Variants in LRRIQ1 observed in about 807,000 individuals in gnomAD.
LRRIQ1 encodes the protein leucine rich repeats and IQ motif containing 1.
LRRIQ1 carries 210 observed loss-of-function variants against 211.9 expected under a neutral mutation model. That is an observed-to-expected ratio of 0.99 (90% confidence interval 0.89 to 1.11). The LOEUF (loss-of-function observed/expected upper bound fraction) is 1.11, where lower values mean the gene tolerates loss of function less well. LRRIQ1 is among the 50% of genes most tolerant of loss of function. The pLI, the probability that LRRIQ1 is intolerant of heterozygous loss-of-function variation, is 0.00. For missense variants in LRRIQ1, 2,136 were observed against 1,939.5 expected (o/e 1.10, Z -1.90); for synonymous variants, 699 against 650.1 (o/e 1.08, Z -1.14).
exon 2 of LRRIQ1, chr12:85,263,235 G>A (rs1280438233): frequency 4.3e-6 from 1 of 232,532 alleles, no homozygotes; most frequent in Non-Finnish European, 7.1e-6. Flanking sequence ...TCTATAAAAT[G>A]TAGTTTTGCA....
Position 85,244,784 on chromosome 12 carries a change from C to A in LRRIQ1, c.5017-5C>A, listed in dbSNP as rs750116595. On this transcript the variant is annotated splice_region_variant and splice_polypyrimidine_tract_variant and intron_variant, in intron 26 of 26. Coordinates refer to ENST00000393217, the MANE Select transcript of LRRIQ1 (RefSeq NM_001079910.2). ...ATTGTATACATTCTCTTCCATTGCT[C>A]CCAGGCAAGACTTGTAAGCAGAGAA... 1.2e-6 allele frequency: 2 copies of A among 1,610,248 alleles called. No homozygotes were observed. The highest frequency in any genetic ancestry group is 1.7e-6 in the Non-Finnish European group (2 of 1,177,330).
chr12:85,153,979 G>T, intron 22 of LRRIQ1, 33 bp from the exon 23 acceptor site: 1 of 1,386,248 alleles, frequency 7.2e-7, no homozygotes, highest in Non-Finnish European at 9.8e-7. Context: ...CCGGGTATTT[G>T]TTTTACCTTT....
intron 24 of LRRIQ1, among the ~76,000 whole-genome samples, chr12:85,181,735 C>G (rs1261240209): frequency 6.6e-6 from 1 of 151,950 alleles, no homozygotes; most frequent in African/African-American, 2.4e-5. Context: ...TACATTTAAG[C>G]TACTCTCCTA....
At chr12:85,152,938 T>C in intron 20 of LRRIQ1, 86 bp from the exon 21 acceptor site, 1 of 869,406 alleles carries the variant, frequency 1.2e-6, no homozygotes. Context: ...TAGGAGGCTA[T>C]TTGGTAATAT....
At chr12:85,074,019 G>T (rs901083766) in intron 11 of LRRIQ1, among the ~76,000 whole-genome samples, 4 of 151,910 alleles carry the variant, frequency 2.6e-5, no homozygotes, top group Admixed American at 2.0e-4. Context: ...ATTTCACATT[G>T]GTAGTTTCAA....
At chr12:85,207,626 T>G (rs1021826217) in intron 24 of LRRIQ1, among the ~76,000 whole-genome samples, 1 of 152,176 alleles carries the variant, frequency 6.6e-6, no homozygotes, top group Non-Finnish European at 1.5e-5. Flanking sequence ...TTTTGTCCTG[T>G]GTTATCTCCT....
chr12:85,162,527 T>A (rs899808084), intron 24 of LRRIQ1, among the ~76,000 whole-genome samples: 6 of 152,192 alleles, frequency 3.9e-5, no homozygotes, highest in African/African-American at 1.2e-4. Context: ...ATAAAGAGAA[T>A]CTATCCTAAT....
chr12:85,208,307 T>C (rs2137054175), intron 24 of LRRIQ1, among the ~76,000 whole-genome samples: 1 of 152,236 alleles, frequency 6.6e-6, no homozygotes, highest in African/African-American at 2.4e-5. Flanking sequence ...ATTATCTATC[T>C]AGAGTAAGGA....
chr12:85,069,949 T>A (rs1592735011), intron 10 of LRRIQ1, among the ~76,000 whole-genome samples: 1 of 152,054 alleles, frequency 6.6e-6, no homozygotes, highest in Non-Finnish European at 1.5e-5. Flanking sequence ...TTTAATTAGA[T>A]CCCATTTGTC....
At chr12:85,187,532 C>T (rs1892278580) in intron 24 of LRRIQ1, among the ~76,000 whole-genome samples, 1 of 151,970 alleles carries the variant, frequency 6.6e-6, no homozygotes, top group Non-Finnish European at 1.5e-5. Context: ...GTCAGCCGGG[C>T]GCGGTGGTTC....
intron 19 of LRRIQ1, among the ~76,000 whole-genome samples, chr12:85,142,784 T>C (rs531887950): frequency 6.6e-6 from 1 of 151,774 alleles, no homozygotes; most frequent in South Asian, 2.1e-4. Flanking sequence ...ATTCACGTTG[T>C]TGCAAATGAC....
At chr12:85,089,630 T>C (rs1468284089) in intron 11 of LRRIQ1, among the ~76,000 whole-genome samples, 1 of 152,186 alleles carries the variant, frequency 6.6e-6, no homozygotes, top group African/African-American at 2.4e-5. Context: ...AAGTGGTGAT[T>C]TATGATTATC....
At chr12:85,132,380 C>G (rs532978622) in intron 18 of LRRIQ1, among the ~76,000 whole-genome samples, 1 of 152,182 alleles carries the variant, frequency 6.6e-6, no homozygotes, top group South Asian at 2.1e-4. Flanking sequence ...AGGGTACCTC[C>G]CTAGCAGGAA....
chr12:85,042,570 C>T (rs893541436), intron 3 of LRRIQ1, among the ~76,000 whole-genome samples: 1 of 148,368 alleles, frequency 6.7e-6, no homozygotes, highest in Admixed American at 6.7e-5. Context: ...TTAAATTATC[C>T]TGTGTAATAA....
chr12:85,256,938 A>G (rs1347636768), intron 1 of LRRIQ1, among the ~76,000 whole-genome samples: 1 of 143,904 alleles, frequency 6.9e-6, no homozygotes, highest in African/African-American at 2.5e-5. Flanking sequence ...TAAAATTCCT[A>G]TTTTGCTAAA....
At chr12:85,237,289 C>T (rs1895233633) in intron 26 of LRRIQ1, among the ~76,000 whole-genome samples, 1 of 152,000 alleles carries the variant, frequency 6.6e-6, no homozygotes, top group Non-Finnish European at 1.5e-5. Flanking sequence ...ACAGTCAACT[C>T]AGGTAACAGC....
intron 6 of LRRIQ1, among the ~76,000 whole-genome samples, chr12:85,049,389 A>T (rs1483051843): frequency 6.6e-6 from 1 of 152,134 alleles, no homozygotes; most frequent in Non-Finnish European, 1.5e-5. Context: ...CCTTTTTAAA[A>T]TTATTATTGG....
chr12:85,172,430 G>A (rs12817187), intron 24 of LRRIQ1, among the ~76,000 whole-genome samples: 33,756 of 152,106 alleles, frequency 0.22, 4,357 homozygotes, highest in Admixed American at 0.31. Flanking sequence ...AGAAAGTCTT[G>A]TGTTAAATCT....
At position 85,229,619 on chromosome 12, in the gene LRRIQ1, A is replaced by G. The variant is rs1894836492; in HGVS notation, c.4925A>G (p.His1642Arg). Residue 1642 changes from histidine (H) to arginine (R), a missense_variant, in exon 25 of 27, where the codon CAT becomes CGT. His to Arg is a conservative substitution (Grantham distance 29, BLOSUM62 0). Coordinates refer to ENST00000393217, the MANE Select transcript of LRRIQ1 (RefSeq NM_001079910.2). ...TGGCTTCACACACAGGTTGGGGTTC[A>G]TGAAACGACTAGTTCCAGAAATATG... ...YQWLHTQVGV[H>R]ETTSSRNMKC... 1.9e-6 allele frequency: 3 copies of G among 1,612,278 alleles called. No individual in the cohort carries two copies. The highest frequency in any genetic ancestry group is 2.2e-5 in the East Asian group (1 of 44,834).
Sources: gnomAD v4.1 joint callset for allele counts (sites outside exome capture counted in the v4.1 genomes callset) on GRCh38, gnomAD v4.1.1 for gene constraint, MANE v1.5 for transcripts, NCBI Gene and HGNC (gene_info 2026-07-23, HGNC 2026-07-21) for gene names.